NDUFS4: variants seen among roughly 807,000 people sequenced by gnomAD.
NDUFS4 encodes the protein NADH:ubiquinone oxidoreductase subunit S4.
A neutral mutation model predicts 24.3 loss-of-function variants in NDUFS4; 28 were observed. That is an observed-to-expected ratio of 1.15 (90% CI 0.85 to 1.58). The LOEUF (loss-of-function observed/expected upper bound fraction) is 1.58, where lower values mean the gene tolerates loss of function less well. Among genes scored for constraint, NDUFS4 ranks in the 40% most tolerant of loss-of-function variants. The pLI is 0.00. For missense variants in NDUFS4, 223 were observed against 207.9 expected, an observed-to-expected ratio of 1.07 and a Z score of -0.45; for synonymous variants, 93 against 69.7, an observed-to-expected ratio of 1.34 and a Z score of -1.67.
intron 1 of NDUFS4, among the ~76,000 whole-genome samples, chr5:53,573,104 C>T (rs745410421): frequency 3.3e-5 from 5 of 150,884 alleles, no homozygotes; most frequent in Non-Finnish European, 5.9e-5. Context: ...CCTGAGTAGC[C>T]AAGACTACAG....
intron 2 of NDUFS4, among the ~76,000 whole-genome samples, chr5:53,621,690 A>ATTTTTTTTTTTTTTTTTT (rs58169759): frequency 2.5e-5 from 2 of 81,546 alleles, no homozygotes; most frequent in African/African-American, 1.1e-4. Flanking sequence ...CTCATAGTAA[A>ATTTTTTTTTTTTTTTTTT]TTTTTTTTTT....
chr5:53,661,880 C>T (rs894828396), intron 4 of NDUFS4, among the ~76,000 whole-genome samples: 2 of 152,132 alleles, frequency 1.3e-5, no homozygotes, highest in African/African-American at 2.4e-5. Context: ...TGCCTATGAG[C>T]TTAAGGCGAT....
Position 53,578,759 on chromosome 5 carries a change from T to C in NDUFS4, c.98+17999T>C, listed in dbSNP as rs539964211. Among the ~76,000 whole-genome samples the C allele has an allele frequency of 2.0e-5, 3 of 152,334 alleles. No individual in the cohort carries two copies. In the East Asian group the frequency reaches 5.8e-4, roughly 29 times the overall value. ...ATGTCATCATCATTATTCTTTCTTT[T>C]GTAGCTTCTTTTCCTTTTTGCTTCT... On this transcript the variant is annotated intron_variant, in intron 1 of 4. Transcript: ENST00000296684.
Position 53,640,776 on chromosome 5 carries a change from C to A in NDUFS4, c.178-5457C>A, listed in dbSNP as rs549098381. ...TAACATGAAATTTGGAGGAGATAGC[C>A]CTTTCCAAAGATAGGCAAAAAGAAA... On this transcript the variant is annotated intron_variant, in intron 2 of 4. Coordinates refer to ENST00000296684, the MANE Select transcript of NDUFS4 (RefSeq NM_002495.4). Among the ~76,000 whole-genome samples, 355 of 152,170 alleles carry A rather than the reference C, an allele frequency of 2.3e-3. 2 individuals carry two copies. Among genetic ancestry groups the A allele is most frequent in the African/African-American group, 8.2e-3 (340 of 41,534 alleles).
At chr5:53,565,888 AT>A (rs1749005064) in intron 1 of NDUFS4, among the ~76,000 whole-genome samples, 1 of 152,180 alleles carries the variant, frequency 6.6e-6, no homozygotes, top group Non-Finnish European at 1.5e-5. Context: ...AAAGTCAGTA[AT>A]ACGGCCGGGT....
intron 1 of NDUFS4, among the ~76,000 whole-genome samples, chr5:53,601,003 A>AT (rs3084744): frequency 0.039 from 5,101 of 130,684 alleles, 394 homozygotes; most frequent in African/African-American, 0.13. Flanking sequence ...TTTATAATAA[A>AT]TTTTTTTTTT....
At chr5:53,677,249 A>C (rs943925354) in intron 4 of NDUFS4, among the ~76,000 whole-genome samples, 3 of 152,196 alleles carry the variant, frequency 2.0e-5, no homozygotes, top group African/African-American at 7.2e-5. Context: ...ATAAAATTTC[A>C]AGGGGCCGTT....
At chr5:53,635,908 A>T (rs1340420148) in intron 2 of NDUFS4, among the ~76,000 whole-genome samples, 3 of 152,120 alleles carry the variant, frequency 2.0e-5, no homozygotes, top group African/African-American at 7.2e-5. Flanking sequence ...TTCTTAGTAG[A>T]CTTGATTTGG....
rs549322268 is a variant in NDUFS4 at position 53,641,622 on chromosome 5, A to G, written c.178-4611A>G. On this transcript the variant is annotated intron_variant, in intron 2 of 4. Transcript: ENST00000296684. ...TGTTTTTTATTGTATCTGAATCTAT[A>G]TGGCCCCTAAGTTTTTAGAAGTGTT... Among the ~76,000 whole-genome samples the G allele has an allele frequency of 9.9e-5, 15 of 152,260 alleles. No homozygotes were observed. The East Asian group carries it at 2.7e-3, about 27-fold the overall frequency.
chr5:53,673,303 C>T (rs115845209), intron 4 of NDUFS4, among the ~76,000 whole-genome samples: 4,506 of 152,184 alleles, frequency 0.03, 103 homozygotes, highest in Middle Eastern at 0.075. Flanking sequence ...CCTCTCTTTT[C>T]ACAAAATGAA....
chr5:53,599,215 A>G (rs1750233754), intron 1 of NDUFS4, among the ~76,000 whole-genome samples: 1 of 152,082 alleles, frequency 6.6e-6, no homozygotes, highest in Non-Finnish European at 1.5e-5. Context: ...CTATTTGAAA[A>G]ATGCTGCTAT....
Position 53,587,141 on chromosome 5 carries a change from A to C in NDUFS4, c.99-16311A>C, listed in dbSNP as rs1315215224. Among the ~76,000 whole-genome samples, 3 of 152,162 alleles carry C rather than the reference A, an allele frequency of 2.0e-5. 1 individual carries two copies. In the South Asian group the frequency reaches 6.2e-4, roughly 32 times the overall value. ...ACCCGGCCGAGTTATATATATATAA[A>C]ATAAATTCTAAGAGTCTCCTTCTCT... On this transcript the variant is annotated intron_variant, in intron 1 of 4. Coordinates refer to ENST00000296684, the MANE Select transcript of NDUFS4 (RefSeq NM_002495.4).
intron 4 of NDUFS4, among the ~76,000 whole-genome samples, chr5:53,663,246 T>C (rs1390268471): frequency 6.6e-6 from 1 of 152,244 alleles, no homozygotes; most frequent in East Asian, 1.9e-4. Flanking sequence ...GTGCTTTACT[T>C]CCAACTGTGT....
At chr5:53,600,125 G>A (rs1371813863) in intron 1 of NDUFS4, among the ~76,000 whole-genome samples, 1 of 151,254 alleles carries the variant, frequency 6.6e-6, no homozygotes, top group Non-Finnish European at 1.5e-5. Context: ...TCAGCCTCCC[G>A]AGTAGCTGGG....
intron 1 of NDUFS4, among the ~76,000 whole-genome samples, chr5:53,572,622 G>T (rs950410603): frequency 6.6e-6 from 1 of 151,476 alleles, no homozygotes; most frequent in African/African-American, 2.4e-5. Context: ...AGGCTGTGAA[G>T]ATTTTTTTCT....
chr5:53,590,019 TA>T (rs1749892507), intron 1 of NDUFS4, among the ~76,000 whole-genome samples: 1 of 152,154 alleles, frequency 6.6e-6, no homozygotes, highest in African/African-American at 2.4e-5. Context: ...GAACCCTGAC[TA>T]ATACAGAGAA....
In NDUFS4 at chr5:53,657,796, A is replaced by G. The variant is rs145985210; in HGVS notation, c.351-755A>G. ...ACAAATTAGCCAGGTATGGTGGTGC[A>G]TACCTCTAATCCCAGCTACTTGGGA... On this transcript the variant is annotated intron_variant, in intron 3 of 4. Transcript: ENST00000296684. 2.3e-3 allele frequency among the ~76,000 whole-genome samples: 353 copies of G among 152,096 alleles called. 2 individuals carry two copies. Among genetic ancestry groups the G allele is most frequent in the African/African-American group, 8.1e-3 (338 of 41,508 alleles).
intron 2 of NDUFS4, among the ~76,000 whole-genome samples, chr5:53,639,470 T>G (rs388311): frequency 0.2 from 31,031 of 151,874 alleles, 3,695 homozygotes; most frequent in East Asian, 0.46. Flanking sequence ...GACCTAGACA[T>G]TTAATGAATA....
intron 1 of NDUFS4, among the ~76,000 whole-genome samples, chr5:53,582,342 A>C (rs11740228): frequency 0.13 from 19,446 of 152,258 alleles, 1,472 homozygotes; most frequent in Middle Eastern, 0.18. Flanking sequence ...CAGGGTCAAG[A>C]GTGGCCAGAG....
Sources: gnomAD v4.1 joint callset for allele counts (sites outside exome capture counted in the v4.1 genomes callset) on GRCh38, gnomAD v4.1.1 for gene constraint, MANE v1.5 for transcripts, NCBI Gene and HGNC (gene_info 2026-07-23, HGNC 2026-07-21) for gene names.